The following NRAP variants were observed in gnomAD, a reference collection of about 807,000 sequenced individuals.
NRAP encodes nebulin-related-anchoring protein.
Under a neutral mutation model 225.9 loss-of-function variants are expected in NRAP, and 189 were observed. The observed-to-expected ratio is 0.84, with a 90% CI of 0.74 to 0.94. The LOEUF is 0.94. NRAP is among the 40% of genes least tolerant of loss of function. The probability of loss-of-function intolerance (pLI) is 0.00; values close to 1 mark genes in which losing one functional copy is unlikely to be tolerated. For synonymous variants in NRAP, 769 were observed against 790.7 expected (o/e 0.97, Z 0.46); for missense variants, 2,176 against 2,168.7 (o/e 1.00, Z -0.07).
chr10:113,645,796 C>G, intron 11 of NRAP, 29 bp downstream of exon 11: 3 of 1,107,358 alleles, frequency 2.7e-6, no homozygotes, highest in Non-Finnish European at 4.1e-6. Context: ...AGGTGATGCT[C>G]ATGGGTGTGA....
intron 4 of NRAP, 152 bp from the exon 5 acceptor site, chr10:113,654,277 G>C (rs1055883886): frequency 4.6e-5 from 26 of 565,202 alleles, no homozygotes; most frequent in Non-Finnish European, 8.0e-5. Flanking sequence ...TTTATTTCAG[G>C]CTAGAAAATG....
chr10:113,628,776 A>G, intron 20 of NRAP, 141 bp downstream of exon 20: 1 of 590,110 alleles, frequency 1.7e-6, no homozygotes, highest in Non-Finnish European at 3.0e-6. Context: ...AATGTGCTAC[A>G]GGTGTGAAAT....
intron 3 of NRAP, 102 bp downstream of exon 3, chr10:113,662,576 CT>C: frequency 1.4e-6 from 1 of 738,330 alleles, no homozygotes. Flanking sequence ...GTGTGAGCCA[CT>C]GTGCCTGGCT....
At chr10:113,603,301 C>T (rs1290204748) in intron 35 of NRAP, among the ~76,000 whole-genome samples, 1 of 152,068 alleles carries the variant, frequency 6.6e-6, no homozygotes, top group Non-Finnish European at 1.5e-5. Flanking sequence ...AATCTTGCAC[C>T]ATGATGTGGG....
intron 35 of NRAP, among the ~76,000 whole-genome samples, chr10:113,600,434 C>A (rs1190172606): frequency 1.3e-5 from 2 of 152,226 alleles, no homozygotes; most frequent in Non-Finnish European, 2.9e-5. Flanking sequence ...CCTGTCTCAG[C>A]TTCCCAAAAT....
Position 113,662,761 on chromosome 10 carries a change from T to C in NRAP, c.173A>G (p.Asn58Ser). ...HQKKPYCHAH[N>S]PKNNTFTSVY... ...ACTGGTGAAAGTGTTGTTCTTAGGG[T>C]TATGGCTACAACAAATAGGTATAAA... The change falls in exon 3 of 42, where the codon AAC (asparagine) becomes AGC (serine). Residue 58 changes from asparagine (N) to serine (S), a missense_variant. Around this residue, in one of 3 missense-constraint regions of NRAP, gnomAD observed 1,708 missense variants for 1,695.5 expected, o/e 1.01. Coordinates refer to ENST00000359988, the MANE Select transcript of NRAP (RefSeq NM_198060.4). The C allele has an allele frequency of 6.4e-7, 1 of 1,563,730 alleles. No individual in the cohort carries two copies. The highest frequency in any genetic ancestry group is 8.8e-7 in the Non-Finnish European group (1 of 1,136,384).
chr10:113,629,108 C>T (rs1848437480), intron 19 of NRAP, 87 bp from the exon 20 acceptor site: 2 of 950,796 alleles, frequency 2.1e-6, no homozygotes, highest in Admixed American at 1.8e-5. Context: ...GATCTTGATC[C>T]TGCATTTGCC....
In NRAP at chr10:113,623,529, C is replaced by A. The variant is rs1459512413; in HGVS notation, c.2457G>T (p.Glu819Asp). The A allele has an allele frequency of 2.5e-6, 4 of 1,610,014 alleles. No homozygotes were observed. Among genetic ancestry groups the A allele is most frequent in the Admixed American group, 1.7e-5 (1 of 59,964 alleles). Residue 819 changes from glutamate (E) to aspartate (D), a missense_variant and splice_region_variant, in exon 23 of 42, where the codon GAG (glutamate) becomes GAT (aspartate). Glu to Asp is a conservative substitution (Grantham distance 45). This residue lies in a region of NRAP where 1,708 missense variants were observed against 1,695.5 expected (regional missense o/e 1.01). Transcript: ENST00000359988. ...TTGTACAAGGTGGGGACAGACTCAC[C>A]TCGCTAGCCAGGTCCCTCTTGGCTT... ...AAKAKRDLAS[E>D]VKYKEDYERS...
chr10:113,651,942 A>C lies in NRAP; in HGVS notation c.571-35T>G, dbSNP rs776011244. ...AGACAGTAGAGTCAAGGGTGCACCC[A>C]CCTCACAGCCTCCTCAGTGACCTCT... On this transcript the variant is annotated intron_variant, in intron 6 of 41. Transcript: ENST00000359988. The C allele has an allele frequency of 3.7e-6, 5 of 1,346,870 alleles. No individual in the cohort carries two copies. In the South Asian group the frequency reaches 5.8e-5, roughly 16 times the overall value. 83.4% of individuals were successfully genotyped at this position (1,346,870 alleles called of 1,614,324 possible).
At chr10:113,594,131 G>A (rs1164713095) in intron 38 of NRAP, among the ~76,000 whole-genome samples, 2 of 152,106 alleles carry the variant, frequency 1.3e-5, no homozygotes, top group African/African-American at 2.4e-5. Context: ...ATCACAGTGG[G>A]CACAGTTTTG....
intron 14 of NRAP, among the ~76,000 whole-genome samples, chr10:113,635,350 T>C (rs568902599): frequency 6.6e-6 from 1 of 152,312 alleles, no homozygotes; most frequent in South Asian, 2.1e-4. Flanking sequence ...CAGAAACCTA[T>C]GCAGGTAGAA....
At chr10:113,663,722 A>T in intron 1 of NRAP, 89 bp downstream of exon 1, 1 of 940,780 alleles carries the variant, frequency 1.1e-6, no homozygotes, top group Non-Finnish European at 1.7e-6. Flanking sequence ...ACTGAAAATT[A>T]AATTTCCATA....
intron 14 of NRAP, among the ~76,000 whole-genome samples, chr10:113,638,001 C>A (rs1185877064): frequency 1.3e-5 from 2 of 151,802 alleles, no homozygotes; most frequent in African/African-American, 4.8e-5. Flanking sequence ...GAGTTTTGGA[C>A]ATGGGGTGTG....
At chr10:113,600,155 T>TTCTCTCTCTC (rs10529111) in intron 35 of NRAP, among the ~76,000 whole-genome samples, 8,389 of 140,148 alleles carry the variant, frequency 0.06, 326 homozygotes, top group Middle Eastern at 0.085. Flanking sequence ...AGGGGTTATA[T>TTCTCTCTCTC]TCTCTCTCTC....
At position 113,597,216 on chromosome 10, in the gene NRAP, C is replaced by T. The variant is rs760076061; in HGVS notation, c.4333-32G>A. The T allele has an allele frequency of 1.4e-5, 18 of 1,322,196 alleles. No homozygotes were observed. In the South Asian group the frequency reaches 1.8e-4, roughly 13 times the overall value. The allele number at this position is 1,322,196 out of a possible 1,614,324, so 81.9% of individuals were successfully genotyped here. A position where few individuals can be genotyped will look rare whatever the true frequency, so the allele number is the denominator to read the frequency against. ...GATAAAGACAAAGATTCTCATGAAACACAGTCCAACATCATGCATCTTTCA... is the reference window on the plus strand; with the variant it reads ...GATAAAGACAAAGATTCTCATGAAATACAGTCCAACATCATGCATCTTTCA... On this transcript the variant is annotated intron_variant, in intron 36 of 41. Transcript: ENST00000359988.
At chr10:113,658,914 A>C (rs1436237907) in intron 3 of NRAP, among the ~76,000 whole-genome samples, 1 of 151,700 alleles carries the variant, frequency 6.6e-6, no homozygotes, top group Admixed American at 6.6e-5. Context: ...GAAAGAAAGA[A>C]ATCTGAAATT....
At chr10:113,625,978 G>C (rs1349676092) in intron 21 of NRAP, 69 bp downstream of exon 21, 9 of 1,076,056 alleles carry the variant, frequency 8.4e-6, no homozygotes, top group Admixed American at 2.6e-5. Flanking sequence ...GGCACCTGCT[G>C]TTGTCCCTGG....
chr10:113,624,481 G>A (rs968354276), intron 22 of NRAP, among the ~76,000 whole-genome samples: 2 of 152,134 alleles, frequency 1.3e-5, no homozygotes, highest in Non-Finnish European at 2.9e-5. Flanking sequence ...AGTGGCAACC[G>A]AGGATCAAAC....
intron 24 of NRAP, 69 bp from the exon 25 acceptor site, chr10:113,620,777 A>T (rs992915224): frequency 1.8e-6 from 2 of 1,087,610 alleles, no homozygotes; most frequent in African/African-American, 3.1e-5. Context: ...AAGGGCTATT[A>T]GCGGCTCCCA....
Sources: allele counts gnomAD v4.1 joint callset (sites outside exome capture counted in the v4.1 genomes callset), GRCh38; gene constraint gnomAD v4.1.1; regional missense constraint gnomAD v4.1.1; transcripts MANE v1.5; gene names NCBI Gene and HGNC (gene_info 2026-07-23, HGNC 2026-07-21).